Variants in LRRC4C observed in about 807,000 individuals in gnomAD.
LRRC4C encodes the protein leucine rich repeat containing 4C, also known as leucine-rich repeat-containing protein 4C.
Under a neutral mutation model 33.6 loss-of-function variants are expected in LRRC4C, and 5 were observed. That is an observed-to-expected ratio of 0.15 (90% confidence interval 0.08 to 0.31). The LOEUF is 0.31. Among genes scored for constraint, LRRC4C ranks in the 10% least tolerant of loss-of-function variants. LRRC4C has a pLI of 1.00. For synonymous variants in LRRC4C, 329 were observed against 302.0 expected (o/e 1.09, Z -0.93); for missense variants, 560 against 796.7 (o/e 0.70, Z 3.58).
At chr11:40,485,286 G>A (rs1590882476) in intron 3 of LRRC4C, among the ~76,000 whole-genome samples, 1 of 151,926 alleles carries the variant, frequency 6.6e-6, no homozygotes, top group East Asian at 1.9e-4. Context: ...ATCAGTGGAA[G>A]TGACTGCTAC....
At chr11:40,968,420 G>T (rs1460661039) in intron 1 of LRRC4C, among the ~76,000 whole-genome samples, 2 of 152,218 alleles carry the variant, frequency 1.3e-5, no homozygotes, top group Non-Finnish European at 2.9e-5. Flanking sequence ...ATTGATGAAG[G>T]TGGATATGCT....
chr11:41,459,150 T>C (rs1956260176), intron 1 of LRRC4C, among the ~76,000 whole-genome samples: 1 of 152,170 alleles, frequency 6.6e-6, no homozygotes, highest in Admixed American at 6.5e-5. Flanking sequence ...AAGGCGGAAT[T>C]ATTTTTTTCC....
Position 40,307,285 on chromosome 11 carries a change from A to C in LRRC4C, c.-176+12343T>G, listed in dbSNP as rs562300481. Among the ~76,000 whole-genome samples the C allele has an allele frequency of 1.1e-4, 17 of 152,258 alleles. No individual in the cohort carries two copies. In the East Asian group the frequency reaches 3.3e-3, roughly 29 times the overall value. ...TAGATAGTTTTAAATACTGGACATAAACTGTCCCTTTCTTTCTTTCTTTGA... is the reference window on the plus strand; with the variant it reads ...TAGATAGTTTTAAATACTGGACATACACTGTCCCTTTCTTTCTTTCTTTGA... On this transcript the variant is annotated intron_variant, in intron 4 of 6. Transcript: ENST00000528697.
chr11:40,605,038 A>G (rs79889948), intron 3 of LRRC4C, among the ~76,000 whole-genome samples: 6,000 of 152,222 alleles, frequency 0.039, 396 homozygotes, highest in African/African-American at 0.14. Context: ...AATGTGTAGG[A>G]AAACTAAAAG....
intron 3 of LRRC4C, among the ~76,000 whole-genome samples, chr11:40,415,135 T>C (rs1273544479): frequency 6.6e-6 from 1 of 152,142 alleles, no homozygotes; most frequent in African/African-American, 2.4e-5. Context: ...CTCGTGCCGT[T>C]TGTGGCTTAA....
chr11:40,817,717 A>T (rs1018121910), intron 2 of LRRC4C, among the ~76,000 whole-genome samples: 5 of 152,160 alleles, frequency 3.3e-5, no homozygotes, highest in Admixed American at 1.3e-4. Context: ...ATTAAAAGTT[A>T]AGTTTAACTC....
At chr11:41,020,963 G>T (rs192181049) in intron 1 of LRRC4C, among the ~76,000 whole-genome samples, 1 of 152,254 alleles carries the variant, frequency 6.6e-6, no homozygotes, top group East Asian at 1.9e-4. Context: ...CATTTTATCA[G>T]ATAAGAATTC....
At chr11:41,328,393 C>T (rs1951188653) in intron 1 of LRRC4C, among the ~76,000 whole-genome samples, 1 of 152,068 alleles carries the variant, frequency 6.6e-6, no homozygotes, top group Admixed American at 6.6e-5. Context: ...AGAATCCTGT[C>T]TCCCCTAGGT....
At chr11:40,529,488 T>G (rs1477210940) in intron 3 of LRRC4C, among the ~76,000 whole-genome samples, 1 of 151,976 alleles carries the variant, frequency 6.6e-6, no homozygotes, top group African/African-American at 2.4e-5. Context: ...AGGAGACAGA[T>G]GGATCATAGA....
At chr11:40,263,549 C>T (rs1013330557) in intron 4 of LRRC4C, among the ~76,000 whole-genome samples, 1 of 152,048 alleles carries the variant, frequency 6.6e-6, no homozygotes, top group Non-Finnish European at 1.5e-5. Flanking sequence ...GGGATGGGAT[C>T]TTGCTATGTT....
intron 3 of LRRC4C, among the ~76,000 whole-genome samples, chr11:40,498,944 G>A (rs140055509): frequency 0.01 from 1,563 of 152,278 alleles, 25 homozygotes; most frequent in African/African-American, 0.032. Flanking sequence ...TCAAAACGTT[G>A]AGATGATAGA....
At chr11:40,861,713 G>T (rs762590627) in intron 2 of LRRC4C, among the ~76,000 whole-genome samples, 4 of 152,190 alleles carry the variant, frequency 2.6e-5, no homozygotes, top group Non-Finnish European at 5.9e-5. Flanking sequence ...AAGAAATGGG[G>T]TTTCTCTGGT....
At chr11:40,288,388 T>C (rs753949871) in intron 4 of LRRC4C, among the ~76,000 whole-genome samples, 2 of 152,200 alleles carry the variant, frequency 1.3e-5, no homozygotes, top group Non-Finnish European at 2.9e-5. Flanking sequence ...ATTGTTTTCA[T>C]TGAAAAGAAA....
intron 2 of LRRC4C, among the ~76,000 whole-genome samples, chr11:40,710,313 C>A (rs1209710265): frequency 6.6e-6 from 1 of 152,100 alleles, no homozygotes; most frequent in Admixed American, 6.5e-5. Flanking sequence ...CTGGTTTCTC[C>A]CCATCTTTGT....
At chr11:40,704,074 A>G (rs1348561092) in intron 2 of LRRC4C, among the ~76,000 whole-genome samples, 1 of 152,204 alleles carries the variant, frequency 6.6e-6, no homozygotes, top group Non-Finnish European at 1.5e-5. Flanking sequence ...ATGTAACAAT[A>G]CAACTACAAA....
At chr11:40,882,667 C>T (rs555543742) in intron 2 of LRRC4C, among the ~76,000 whole-genome samples, 1 of 152,220 alleles carries the variant, frequency 6.6e-6, no homozygotes, top group East Asian at 1.9e-4. Flanking sequence ...ACCCCAAACT[C>T]TGTCCTCCTT....
intron 3 of LRRC4C, among the ~76,000 whole-genome samples, chr11:40,645,698 C>CCTTT (rs1344411558): frequency 6.6e-6 from 1 of 152,142 alleles, no homozygotes; most frequent in Non-Finnish European, 1.5e-5. Flanking sequence ...CCTGTGGATT[C>CCTTT]CTTTCTAGTT....
chr11:40,926,479 C>A (rs971259512), intron 2 of LRRC4C, among the ~76,000 whole-genome samples: 1 of 152,128 alleles, frequency 6.6e-6, no homozygotes, highest in Admixed American at 6.5e-5. Flanking sequence ...TTTGAAAATA[C>A]TGAAGCACTC....
chr11:41,256,368 A>G (rs1948799995), intron 1 of LRRC4C, among the ~76,000 whole-genome samples: 1 of 151,994 alleles, frequency 6.6e-6, no homozygotes, highest in African/African-American at 2.4e-5. Flanking sequence ...CCAAATCAGT[A>G]AACCAATCAG....
Sources: gnomAD v4.1 joint callset for allele counts (sites outside exome capture counted in the v4.1 genomes callset) on GRCh38, gnomAD v4.1.1 for gene constraint, MANE v1.5 for transcripts, NCBI Gene and HGNC (gene_info 2026-07-23, HGNC 2026-07-21) for gene names.